Variants in CSNK1D observed in about 807,000 individuals in gnomAD.
CSNK1D encodes casein kinase I isoform delta.
A neutral mutation model predicts 46.6 loss-of-function variants in CSNK1D; 16 were observed. That is an observed-to-expected ratio of 0.34 (90% CI 0.23 to 0.52). The LOEUF is 0.52. Among genes scored for constraint, CSNK1D ranks in the 20% least tolerant of loss-of-function variants. The pLI, the probability that CSNK1D is intolerant of heterozygous loss-of-function variation, is 0.95. For synonymous variants in CSNK1D, 276 were observed against 228.2 expected (o/e 1.21, Z -1.89); for missense variants, 398 against 578.4 (o/e 0.69, Z 3.20).
intron 2 of CSNK1D, among the ~76,000 whole-genome samples, chr17:82,262,041 A>C (rs2147204904): frequency 6.6e-6 from 1 of 152,360 alleles, no homozygotes; most frequent in East Asian, 1.9e-4. Flanking sequence ...GAGCAGTTAC[A>C]ACTGTCCCCA....
At chr17:82,265,655 T>C in intron 2 of CSNK1D, 31 bp downstream of exon 2, 1 of 1,510,190 alleles carries the variant, frequency 6.6e-7, no homozygotes, top group East Asian at 2.3e-5. Flanking sequence ...AACAGAACCC[T>C]GGTGTTGCTC....
intron 2 of CSNK1D, among the ~76,000 whole-genome samples, chr17:82,263,597 C>G (rs558154673): frequency 6.6e-6 from 1 of 152,380 alleles, no homozygotes; most frequent in Admixed American, 6.5e-5. Flanking sequence ...CCACGTAGCA[C>G]TTTTTGGTTC....
chr17:82,241,686 G>A (rs1208954219), downstream of CSNK1D, among the ~76,000 whole-genome samples: 1 of 152,250 alleles, frequency 6.6e-6, no homozygotes, highest in Non-Finnish European at 1.5e-5. Context: ...TCAGTCTGGG[G>A]CAGCAAGAGG....
At chr17:82,265,842 C>T in intron 1 of CSNK1D, 46 bp from the exon 2 acceptor site, 1 of 1,424,170 alleles carries the variant, frequency 7.0e-7, no homozygotes. Context: ...TGGTATCCAC[C>T]AAATAACCCA....
chr17:82,268,613 G>A (rs1372364236), intron 1 of CSNK1D, among the ~76,000 whole-genome samples: 6 of 152,194 alleles, frequency 3.9e-5, no homozygotes, highest in Non-Finnish European at 7.3e-5. Flanking sequence ...GTGACACGCA[G>A]ATCACCAGGT....
downstream of CSNK1D, among the ~76,000 whole-genome samples, chr17:82,240,237 G>T (rs930417200): frequency 1.3e-5 from 2 of 152,234 alleles, no homozygotes; most frequent in African/African-American, 4.8e-5. Flanking sequence ...CAGTTGCAGG[G>T]ATCAAGGTCA....
chr17:82,246,595 A>G (rs1250391003), intron 8 of CSNK1D: 10 of 1,022,632 alleles, frequency 9.8e-6, no homozygotes, highest in South Asian at 3.7e-5. Flanking sequence ...CCGAAAAGAG[A>G]GGGGGCGAAG....
chr17:82,242,359 G>A (rs575680214), downstream of CSNK1D, among the ~76,000 whole-genome samples: 62 of 152,340 alleles, frequency 4.1e-4, no homozygotes, highest in Non-Finnish European at 5.7e-4. Flanking sequence ...CACCCCAGGC[G>A]GCTGGAGTGC....
At chr17:82,257,637 G>A (rs1434649856) in intron 2 of CSNK1D, among the ~76,000 whole-genome samples, 2 of 152,244 alleles carry the variant, frequency 1.3e-5, no homozygotes, top group Non-Finnish European at 2.9e-5. Flanking sequence ...AGGGCGGGAA[G>A]GAGCCGTGAG....
chr17:82,243,746 G>A lies in CSNK1D; in HGVS notation c.*1035C>T, dbSNP rs1395203691. The A allele has an allele frequency of 1.0e-6, 1 of 985,468 alleles. No individual in the cohort carries two copies. The allele number at this position is 985,468 out of a possible 1,614,324, so 61.0% of individuals were successfully genotyped here. The stretch of plus-strand genomic sequence containing the variant: ...AAGCACAGGCATTCATACAGACGGA[G>A]TGCCAATCCGCACAGGAGCATTGAG... On this transcript the variant is annotated 3_prime_UTR_variant, in exon 9 of 9. Transcript: ENST00000314028.
chr17:82,267,364 G>C (rs1334537712), intron 1 of CSNK1D, among the ~76,000 whole-genome samples: 1 of 152,192 alleles, frequency 6.6e-6, no homozygotes, highest in East Asian at 1.9e-4. Context: ...GGTCAAGTGA[G>C]CACTAGAGCA....
In CSNK1D at chr17:82,255,021, G is replaced by C. The variant is rs1260928030; in HGVS notation, c.336+408C>G. Reference sequence around the variant, plus strand: ...GCCGCCGGAGCCTCGAGAAGCCAGTGAGCTGAGCCGTCGGAGCCTCGAGAA... The same window carrying C: ...GCCGCCGGAGCCTCGAGAAGCCAGTCAGCTGAGCCGTCGGAGCCTCGAGAA... On this transcript the variant is annotated intron_variant, in intron 3 of 8. Coordinates refer to ENST00000314028, the MANE Select transcript of CSNK1D (RefSeq NM_001893.6). This position sits in a 1 kb window ranked among gnomAD's most constrained non-coding sequence, Gnocchi z 5.9. 29 of 346,860 alleles carry C rather than the reference G, an allele frequency of 8.4e-5. No homozygotes were observed. The highest frequency in any genetic ancestry group is 1.5e-4 in the South Asian group (7 of 45,632). 21.5% of individuals were successfully genotyped at this position (346,860 alleles called of 1,614,324 possible). A position where few individuals can be genotyped will look rare whatever the true frequency, so the allele number is the denominator to read the frequency against.
At chr17:82,265,631 G>A in intron 2 of CSNK1D, 55 bp downstream of exon 2, 1 of 1,379,012 alleles carries the variant, frequency 7.3e-7, no homozygotes, top group Non-Finnish European at 1.0e-6. Flanking sequence ...CTGAGTTGCT[G>A]TTCTCCCTTG....
rs950571513 is a variant in CSNK1D, at chr17:82,262,220, A to G, written c.187+3466T>C. 7.9e-5 allele frequency among the ~76,000 whole-genome samples: 12 copies of G among 152,352 alleles called. No individual in the cohort carries two copies. In the South Asian group the frequency reaches 1.2e-3, roughly 16 times the overall value. On this transcript the variant is annotated intron_variant, in intron 2 of 8. Transcript: ENST00000314028. Reference sequence around the variant, plus strand: ...TCTGGGGCACATTCCTGACAGCTGAAGGCCACGTAGGGTGGCCGCCATTTC... The same window carrying G: ...TCTGGGGCACATTCCTGACAGCTGAGGGCCACGTAGGGTGGCCGCCATTTC...
chr17:82,273,543 G>A lies in CSNK1D; in HGVS notation c.-162C>T. 2 of 874,976 alleles carry A rather than the reference G, an allele frequency of 2.3e-6. No individual in the cohort carries two copies. The highest frequency in any genetic ancestry group is 3.2e-5 in the South Asian group (2 of 62,106). The allele number at this position is 874,976 out of a possible 1,614,324, so 54.2% of individuals were successfully genotyped here. The stretch of plus-strand genomic sequence containing the variant: ...CTTTCCTGTCGCCCCGCCGCTCCCA[G>A]CGCCTCAATACGGGGCGGATGGGAC... On this transcript the variant is annotated 5_prime_UTR_variant, in exon 1 of 9. Transcript: ENST00000314028. This position sits in a 1 kb window ranked among gnomAD's most constrained non-coding sequence, Gnocchi z 5.1.
downstream of CSNK1D, among the ~76,000 whole-genome samples, chr17:82,242,343 T>TG (rs1313004260): frequency 6.6e-6 from 1 of 152,058 alleles, no homozygotes; most frequent in Non-Finnish European, 1.5e-5. Flanking sequence ...GGAAGGGACA[T>TG]GCGCTCACCC....
intron 1 of CSNK1D, among the ~76,000 whole-genome samples, chr17:82,266,016 A>G (rs2051459006): frequency 6.6e-6 from 1 of 152,180 alleles, no homozygotes; most frequent in Non-Finnish European, 1.5e-5. Context: ...AACTGCACAG[A>G]AAGTTTATGT....
At chr17:82,257,381 G>C (rs780731311) in intron 2 of CSNK1D, among the ~76,000 whole-genome samples, 3 of 151,936 alleles carry the variant, frequency 2.0e-5, no homozygotes, top group African/African-American at 7.3e-5. Flanking sequence ...AGTGCTTTCA[G>C]TATCTTACAT....
At chr17:82,253,566 C>A (rs1344700339) in intron 3 of CSNK1D, 1 of 386,496 alleles carries the variant, frequency 2.6e-6, no homozygotes, top group Non-Finnish European at 5.0e-6. Context: ...AGACTACACA[C>A]CAGGATTAGC....
Sources: allele counts gnomAD v4.1 joint callset (sites outside exome capture counted in the v4.1 genomes callset), GRCh38; gene constraint gnomAD v4.1.1; non-coding constraint Gnocchi (gnomAD v3.1); transcripts MANE v1.5; gene names NCBI Gene and HGNC (gene_info 2026-07-23, HGNC 2026-07-21).